The following CRACR2A variants were observed in gnomAD, a reference collection of about 807,000 sequenced individuals.
CRACR2A encodes calcium release activated channel regulator 2A.
In CRACR2A, 79 loss-of-function variants were observed where a neutral mutation model predicts 90.5. The observed-to-expected ratio is 0.87, with a 90% CI of 0.73 to 1.05. The LOEUF is 1.05. CRACR2A is among the 50% of genes least tolerant of loss of function. CRACR2A has a pLI of 0.00. For synonymous variants in CRACR2A, 338 were observed against 356.7 expected, an observed-to-expected ratio of 0.95 and a Z score of 0.59; for missense variants, 823 against 897.2, an observed-to-expected ratio of 0.92 and a Z score of 1.06.
At chr12:3,663,953 T>C (rs1945083548) in intron 7 of CRACR2A, among the ~76,000 whole-genome samples, 2 of 152,244 alleles carry the variant, frequency 1.3e-5, no homozygotes, top group African/African-American at 2.4e-5. Flanking sequence ...ATCTCAAATG[T>C]AATGCTGTTA....
At chr12:3,701,602 C>T (rs529253833) in intron 3 of CRACR2A, among the ~76,000 whole-genome samples, 34 of 152,206 alleles carry the variant, frequency 2.2e-4, no homozygotes, top group African/African-American at 7.7e-4. Flanking sequence ...ACACTAAATA[C>T]CACAGCTCAC....
At chr12:3,712,383 T>A (rs912522715) in intron 3 of CRACR2A, among the ~76,000 whole-genome samples, 5 of 152,226 alleles carry the variant, frequency 3.3e-5, no homozygotes, top group African/African-American at 1.2e-4. Flanking sequence ...GGTGCGAACA[T>A]CTGCTTGGTT....
intron 2 of CRACR2A, chr12:3,726,942 G>A (rs1175403789): frequency 6.6e-6 from 1 of 151,972 alleles, no homozygotes; most frequent in Non-Finnish European, 1.5e-5. Context: ...TGGATCACAA[G>A]GTCAAGAGAT....
chr12:3,624,920 C>G (rs4766149), intron 17 of CRACR2A, among the ~76,000 whole-genome samples: 14,212 of 152,260 alleles, frequency 0.093, 712 homozygotes, highest in Middle Eastern at 0.16. Flanking sequence ...TCAAAATTCC[C>G]TGGGGAGCTG....
intron 8 of CRACR2A, 56 bp downstream of exon 8, chr12:3,659,508 A>G: frequency 3.3e-6 from 5 of 1,509,946 alleles, no homozygotes; most frequent in Non-Finnish European, 4.6e-6. Context: ...CCTGGGGGAG[A>G]CAGAGCAGAT....
At chr12:3,694,022 C>A (rs1265831112) in intron 4 of CRACR2A, among the ~76,000 whole-genome samples, 1 of 152,178 alleles carries the variant, frequency 6.6e-6, no homozygotes, top group Non-Finnish European at 1.5e-5. Context: ...TTCAACTCAG[C>A]CATTCCCCTG....
intron 14 of CRACR2A, among the ~76,000 whole-genome samples, chr12:3,636,935 C>T (rs747800832): frequency 3.2e-4 from 49 of 152,218 alleles, no homozygotes; most frequent in Non-Finnish European, 6.9e-4. Context: ...CAATGGCTGC[C>T]GCGGCGTGCA....
At chr12:3,702,333 C>T (rs958535986) in intron 3 of CRACR2A, among the ~76,000 whole-genome samples, 6 of 152,138 alleles carry the variant, frequency 3.9e-5, no homozygotes, top group African/African-American at 1.4e-4. Context: ...AAATAAAATA[C>T]ATTCAGATTG....
chr12:3,691,524 T>C (rs554740787), intron 4 of CRACR2A, among the ~76,000 whole-genome samples: 1 of 152,244 alleles, frequency 6.6e-6, no homozygotes, highest in Non-Finnish European at 1.5e-5. Context: ...GTTAGTCTGA[T>C]GGGCTTCCCT....
chr12:3,719,586 A>C (rs1490006396), intron 2 of CRACR2A, among the ~76,000 whole-genome samples: 1 of 152,226 alleles, frequency 6.6e-6, no homozygotes, highest in East Asian at 1.9e-4. Context: ...GCTTTTCATC[A>C]GAAGCCAAAA....
intron 7 of CRACR2A, among the ~76,000 whole-genome samples, chr12:3,667,549 C>A (rs1467674886): frequency 6.6e-6 from 1 of 152,096 alleles, no homozygotes; most frequent in African/African-American, 2.4e-5. Context: ...AGAATGAAGA[C>A]CCTCAACTGC....
intron 3 of CRACR2A, among the ~76,000 whole-genome samples, chr12:3,712,233 T>C (rs1470810959): frequency 6.6e-6 from 1 of 151,898 alleles, no homozygotes; most frequent in African/African-American, 2.4e-5. Context: ...ATTTTTTTTT[T>C]TAAAGTGGGG....
chr12:3,725,629 C>T (rs1185594294), intron 2 of CRACR2A, among the ~76,000 whole-genome samples: 2 of 152,200 alleles, frequency 1.3e-5, no homozygotes, highest in Non-Finnish European at 2.9e-5. Flanking sequence ...TTTTACCATT[C>T]GCCCCTCTGC....
chr12:3,740,994 C>A (rs1009005725), intron 1 of CRACR2A, among the ~76,000 whole-genome samples: 1 of 152,112 alleles, frequency 6.6e-6, no homozygotes, highest in Non-Finnish European at 1.5e-5. Context: ...GAACACCCAC[C>A]CTCCTTCTTC....
At chr12:3,648,458 G>A in intron 11 of CRACR2A, 84 bp downstream of exon 11, 2 of 1,606,068 alleles carry the variant, frequency 1.2e-6, no homozygotes, top group South Asian at 2.2e-5. Context: ...CCAGCACGTA[G>A]GCAAGGATGA....
chr12:3,628,919 C>T (rs944135223), intron 15 of CRACR2A, among the ~76,000 whole-genome samples: 2 of 152,132 alleles, frequency 1.3e-5, no homozygotes, highest in Admixed American at 1.3e-4. Flanking sequence ...AGTGAGGAGA[C>T]GTGGGAGGAC....
chr12:3,647,948 T>C, intron 11 of CRACR2A: 1 of 985,628 alleles, frequency 1.0e-6, no homozygotes, highest in Non-Finnish European at 1.2e-6. Context: ...TCCAGACCAG[T>C]AAACTTTGAG....
At chr12:3,690,209 T>C (rs1376923688) in intron 4 of CRACR2A, among the ~76,000 whole-genome samples, 1 of 152,168 alleles carries the variant, frequency 6.6e-6, no homozygotes, top group Non-Finnish European at 1.5e-5. Flanking sequence ...AGCTTTAGGA[T>C]TGGTTTGCTC....
intron 4 of CRACR2A, among the ~76,000 whole-genome samples, chr12:3,692,469 G>GT (rs1251029110): frequency 1.9e-5 from 2 of 106,654 alleles, no homozygotes; most frequent in Non-Finnish European, 3.4e-5. Flanking sequence ...TCAGGCCCTG[G>GT]TTTTTTTTCT....
Sources: allele counts gnomAD v4.1 joint callset (sites outside exome capture counted in the v4.1 genomes callset), GRCh38; gene constraint gnomAD v4.1.1; transcripts MANE v1.5; gene names NCBI Gene and HGNC (gene_info 2026-07-23, HGNC 2026-07-21).